CSMD1: variants seen among roughly 807,000 people sequenced by gnomAD.
CSMD1 encodes CUB and sushi domain-containing protein 1.
In CSMD1, 213 loss-of-function variants were observed where a neutral mutation model predicts 417.5. That is an observed-to-expected ratio of 0.51 (90% confidence interval 0.46 to 0.57). The LOEUF (loss-of-function observed/expected upper bound fraction) is 0.57. Ranked by LOEUF, CSMD1 falls within the 20% of genes least tolerant of loss-of-function variation. The pLI is 0.00. For synonymous variants in CSMD1, 2,862 were observed against 1,736.8 expected, an observed-to-expected ratio of 1.65 and a Z score of -16.11; for missense variants, 6,923 against 4,529.7, an observed-to-expected ratio of 1.53 and a Z score of -15.17.
In CSMD1 at chr8:4,738,907, G is replaced by A. The variant is rs550037160; in HGVS notation, c.86-101349C>T. Reference sequence around the variant, plus strand: ...TATACTTAAAATTCTGTGTGTTTGTGTGTGTGTGTGTGTGTATGTGTTAGA... The same window carrying A: ...TATACTTAAAATTCTGTGTGTTTGTATGTGTGTGTGTGTGTATGTGTTAGA... On this transcript the variant is annotated intron_variant, in intron 1 of 69. Coordinates refer to ENST00000635120, the MANE Select transcript of CSMD1 (RefSeq NM_033225.6). Among the ~76,000 whole-genome samples, 12 of 151,974 alleles carry A rather than the reference G, an allele frequency of 7.9e-5. No individual in the cohort carries two copies. The East Asian group carries it at 1.9e-3, about 24-fold the overall frequency.
intron 7 of CSMD1, among the ~76,000 whole-genome samples, chr8:3,635,649 A>T (rs1222006298): frequency 1.3e-5 from 2 of 151,426 alleles, no homozygotes; most frequent in East Asian, 4.0e-4. Context: ...ATGCCTGGCT[A>T]TTTTTTGTAT....
intron 10 of CSMD1, among the ~76,000 whole-genome samples, chr8:3,530,990 C>T (rs923902891): frequency 6.6e-6 from 1 of 151,288 alleles, no homozygotes; most frequent in Non-Finnish European, 1.5e-5. Flanking sequence ...GTAGCTGGGA[C>T]TGCAGGCACA....
Position 3,657,710 on chromosome 8 carries a change from G to A in CSMD1, c.1010-40913C>T, listed in dbSNP as rs141267424. 3.3e-3 allele frequency among the ~76,000 whole-genome samples: 500 copies of A among 152,162 alleles called. 2 individuals carry two copies. Among genetic ancestry groups the A allele is most frequent in the African/African-American group, 0.011 (468 of 41,520 alleles). On this transcript the variant is annotated intron_variant, in intron 7 of 69. Coordinates refer to ENST00000635120, the MANE Select transcript of CSMD1 (RefSeq NM_033225.6). The stretch of plus-strand genomic sequence containing the variant: ...GGGCCTGTCAGTGGGTAGGGGGCTA[G>A]GGGAGGGGTAGCATTAGGAGAAATA...
chr8:2,949,226 C>T, intron 68 of CSMD1, 73 bp downstream of exon 68: 4 of 809,124 alleles, frequency 4.9e-6, no homozygotes, highest in East Asian at 2.6e-5. Context: ...TCGTCTTTTC[C>T]ATTTCTTCTT....
intron 54 of CSMD1, among the ~76,000 whole-genome samples, chr8:2,994,687 T>A (rs950789002): frequency 1.3e-5 from 2 of 152,244 alleles, no homozygotes; most frequent in Non-Finnish European, 2.9e-5. Flanking sequence ...AGTAAAGTTT[T>A]TATAGGATCA....
intron 12 of CSMD1, among the ~76,000 whole-genome samples, chr8:3,412,984 A>C (rs1812911036): frequency 6.6e-6 from 1 of 152,220 alleles, no homozygotes; most frequent in African/African-American, 2.4e-5. Context: ...TCAGGAGTCC[A>C]GACACCACAT....
chr8:3,529,664 T>C (rs1797896361), intron 10 of CSMD1, among the ~76,000 whole-genome samples: 1 of 152,202 alleles, frequency 6.6e-6, no homozygotes, highest in Non-Finnish European at 1.5e-5. Flanking sequence ...AGTATCAGCT[T>C]CTCAGAAGAG....
At chr8:3,724,327 T>C (rs1205776645) in intron 6 of CSMD1, among the ~76,000 whole-genome samples, 2 of 152,138 alleles carry the variant, frequency 1.3e-5, no homozygotes, top group Admixed American at 6.6e-5. Flanking sequence ...TAGGTATATC[T>C]CCCAATGCTA....
intron 3 of CSMD1, among the ~76,000 whole-genome samples, chr8:4,346,585 C>G (rs981798081): frequency 6.6e-6 from 1 of 152,072 alleles, no homozygotes; most frequent in African/African-American, 2.4e-5. Context: ...TTGTTCTTGA[C>G]TGATTTCATT....
chr8:4,707,439 G>C (rs1299861096), intron 1 of CSMD1, among the ~76,000 whole-genome samples: 1 of 152,222 alleles, frequency 6.6e-6, no homozygotes, highest in Non-Finnish European at 1.5e-5. Flanking sequence ...CAGGAATGCT[G>C]ATGGTGGAAG....
intron 3 of CSMD1, among the ~76,000 whole-genome samples, chr8:4,282,283 T>C (rs940734516): frequency 4.6e-5 from 7 of 152,160 alleles, no homozygotes; most frequent in Non-Finnish European, 7.3e-5. Flanking sequence ...ATTTTACAGA[T>C]AGAACTGATG....
chr8:4,157,462 T>C (rs1715303472), intron 3 of CSMD1, among the ~76,000 whole-genome samples: 1 of 152,136 alleles, frequency 6.6e-6, no homozygotes, highest in African/African-American at 2.4e-5. Context: ...CCTCCCTCCT[T>C]CACTTCCTTC....
chr8:3,369,496 A>C (rs1809812867), intron 18 of CSMD1, 126 bp from the exon 19 acceptor site: 3 of 597,914 alleles, frequency 5.0e-6, no homozygotes, highest in Non-Finnish European at 9.0e-6. Context: ...TCCAAGAAAA[A>C]CCAAGCAGAA....
intron 1 of CSMD1, among the ~76,000 whole-genome samples, chr8:4,899,212 A>G (rs1312068083): frequency 1.3e-5 from 2 of 152,238 alleles, no homozygotes; most frequent in African/African-American, 4.8e-5. Context: ...AAGAAACATC[A>G]TTTGAAGCAA....
At chr8:2,998,597 T>C (rs1163698617) in intron 53 of CSMD1, among the ~76,000 whole-genome samples, 2 of 152,218 alleles carry the variant, frequency 1.3e-5, no homozygotes, top group Non-Finnish European at 2.9e-5. Context: ...TTTGAGACAG[T>C]ATGGGATTTG....
At chr8:4,022,204 A>G (rs749192790) in intron 4 of CSMD1, among the ~76,000 whole-genome samples, 2 of 146,610 alleles carry the variant, frequency 1.4e-5, no homozygotes, top group African/African-American at 2.6e-5. Context: ...ATATATAACA[A>G]TAGCATTGTT....
intron 7 of CSMD1, among the ~76,000 whole-genome samples, chr8:3,703,855 G>A (rs1321274893): frequency 2.0e-5 from 3 of 152,266 alleles, no homozygotes; most frequent in East Asian, 1.9e-4. Context: ...AAGATCACCT[G>A]AGGTCAGGAG....
At chr8:3,261,912 G>A (rs1801092214) in intron 26 of CSMD1, among the ~76,000 whole-genome samples, 2 of 151,974 alleles carry the variant, frequency 1.3e-5, no homozygotes, top group Non-Finnish European at 1.5e-5. Context: ...ATTCCTGGGG[G>A]AAATGTCCTA....
Position 4,236,501 on chromosome 8 carries a change from G to C in CSMD1, c.415+183452C>G, listed in dbSNP as rs111509534. On this transcript the variant is annotated intron_variant, in intron 3 of 69. Coordinates refer to ENST00000635120, the MANE Select transcript of CSMD1 (RefSeq NM_033225.6). ...TATTCATGGGCCAGAGTAGGAATCT[G>C]AGATGATTTGCTCAAAAAAGTTAGC... is the stretch of plus-strand genomic sequence containing the variant. 1.6e-3 allele frequency among the ~76,000 whole-genome samples: 238 copies of C among 152,250 alleles called. 1 individual carries two copies. The highest frequency in any genetic ancestry group is 5.4e-3 in the African/African-American group (225 of 41,536).
Sources: gnomAD v4.1 joint callset for allele counts (sites outside exome capture counted in the v4.1 genomes callset) on GRCh38, gnomAD v4.1.1 for gene constraint, MANE v1.5 for transcripts, NCBI Gene and HGNC (gene_info 2026-07-23, HGNC 2026-07-21) for gene names.